ASXL2: variants seen among roughly 807,000 people sequenced by gnomAD.
The protein encoded by ASXL2 is ASXL transcriptional regulator 2, also known as putative Polycomb group protein ASXL2.
A neutral mutation model predicts 122.0 loss-of-function variants in ASXL2; 23 were observed. That is an observed-to-expected ratio of 0.19 (90% CI 0.14 to 0.27). ASXL2 has a LOEUF of 0.27. ASXL2 is among the 10% of genes least tolerant of loss of function. The pLI, the probability that ASXL2 is intolerant of heterozygous loss-of-function variation, is 1.00. For missense variants in ASXL2, 1,518 were observed against 1,713.8 expected (o/e 0.89, Z 2.02); for synonymous variants, 650 against 637.0 (o/e 1.02, Z -0.31).
At chr2:25,798,083 A>C (rs1180149327) in intron 5 of ASXL2, among the ~76,000 whole-genome samples, 2 of 152,232 alleles carry the variant, frequency 1.3e-5, no homozygotes, top group Non-Finnish European at 2.9e-5. Flanking sequence ...AGAAAACCAA[A>C]TACCGCATGT....
intron 5 of ASXL2, among the ~76,000 whole-genome samples, chr2:25,781,958 G>GGTTT (rs1559509560): frequency 1.7e-5 from 1 of 58,548 alleles, no homozygotes; most frequent in Non-Finnish European, 4.4e-5. Context: ...CACCGCCCGG[G>GGTTT]CTTTTTTCTT....
Position 25,738,345 on chromosome 2 carries a change from T to G in ASXL2, c.*3684A>C, listed in dbSNP as rs1039204422. ...ACCTACTGTTCTCTTTCAATAGGTT[T>G]GTAGGTATTGAAACATGGTAGGAAA... On this transcript the variant is annotated 3_prime_UTR_variant, in exon 13 of 13. Coordinates refer to ENST00000435504, the MANE Select transcript of ASXL2 (RefSeq NM_018263.6). 4 of 152,180 alleles carry G rather than the reference T, an allele frequency of 2.6e-5. No individual in the cohort carries two copies. Among genetic ancestry groups the G allele is most frequent in the African/African-American group, 7.2e-5 (3 of 41,440 alleles). The allele number at this position is 152,180 out of a possible 1,614,324, so 9.4% of individuals were successfully genotyped here.
rs1372156438 is a variant in ASXL2 at position 25,739,357 on chromosome 2, A to G, written c.*2672T>C. The G allele has an allele frequency of 1.1e-5, 2 of 174,780 alleles. No homozygotes were observed. Among genetic ancestry groups the G allele is most frequent in the Non-Finnish European group, 2.5e-5 (2 of 81,154 alleles). 10.8% of individuals were successfully genotyped at this position (174,780 alleles called of 1,614,324 possible). A position where few individuals can be genotyped will look rare whatever the true frequency, so the allele number is the denominator to read the frequency against. The stretch of plus-strand genomic sequence containing the variant: ...CTACTGCTTCATTTTCTAAAAGGCC[A>G]GATTGTAATGTGTTTTTTTTTTTTT... On this transcript the variant is annotated 3_prime_UTR_variant, in exon 13 of 13. Transcript: ENST00000435504.
chr2:25,877,742 C>A (rs2090021265), intron 1 of ASXL2, among the ~76,000 whole-genome samples: 1 of 152,202 alleles, frequency 6.6e-6, no homozygotes, highest in African/African-American at 2.4e-5. Flanking sequence ...CTCCAGCGCT[C>A]CCCTCTCCTT....
In ASXL2 at chr2:25,736,811, A is replaced by C. The variant is rs2087743261; in HGVS notation, c.*5218T>G. On this transcript the variant is annotated 3_prime_UTR_variant, in exon 13 of 13. Coordinates refer to ENST00000435504, the MANE Select transcript of ASXL2 (RefSeq NM_018263.6). ...CACTCTCGAAAATCTGACCTTAACA[A>C]TTTTTCTTTTAGGTCATCAATGATT... The C allele has an allele frequency of 6.6e-6, 1 of 152,102 alleles. No homozygotes were observed. The highest frequency in any genetic ancestry group is 2.1e-4 in the South Asian group (1 of 4,830). 9.4% of individuals were successfully genotyped at this position (152,102 alleles called of 1,614,324 possible).
intron 3 of ASXL2, among the ~76,000 whole-genome samples, chr2:25,814,471 C>T (rs527937865): frequency 6.6e-6 from 1 of 152,280 alleles, no homozygotes; most frequent in African/African-American, 2.4e-5. Flanking sequence ...TACTAACACC[C>T]GAAGCAGCTG....
chr2:25,741,883 C>A lies in ASXL2; in HGVS notation c.*146G>T. 1 of 749,684 alleles carries A rather than the reference C, an allele frequency of 1.3e-6. No individual in the cohort carries two copies. Among genetic ancestry groups the A allele is most frequent in the South Asian group, 2.1e-5 (1 of 47,264 alleles). 46.4% of individuals were successfully genotyped at this position (749,684 alleles called of 1,614,324 possible). A position where few individuals can be genotyped will look rare whatever the true frequency, so the allele number is the denominator to read the frequency against. On this transcript the variant is annotated 3_prime_UTR_variant, in exon 13 of 13. Transcript: ENST00000435504. ...TCCTCTAAAATGTAAAAAATCTGTA[C>A]TTTGTATTCCTGATTAAGTAACATT...
At chr2:25,785,403 T>C (rs1258450181) in intron 5 of ASXL2, among the ~76,000 whole-genome samples, 2 of 152,036 alleles carry the variant, frequency 1.3e-5, no homozygotes, top group Admixed American at 6.6e-5. Context: ...TTCTTTATTT[T>C]TAGTAGAGAT....
chr2:25,799,655 T>A, intron 4 of ASXL2, 120 bp from the exon 5 acceptor site: 1 of 1,175,576 alleles, frequency 8.5e-7, no homozygotes, highest in Non-Finnish European at 1.2e-6. Flanking sequence ...TAGGATTCAG[T>A]AGCAGAACCA....
chr2:25,834,825 C>A (rs1162241769), intron 3 of ASXL2, among the ~76,000 whole-genome samples: 1 of 151,866 alleles, frequency 6.6e-6, no homozygotes, highest in Non-Finnish European at 1.5e-5. Flanking sequence ...AAAGGATTTA[C>A]CAATTTTTTT....
Position 25,740,858 on chromosome 2 carries a change from TATA to T in ASXL2, c.*1168_*1170del, listed in dbSNP as rs1028545616. 1.5e-4 allele frequency: 29 copies of T among 190,650 alleles called. No homozygotes were observed. The highest frequency in any genetic ancestry group is 4.6e-4 in the African/African-American group (20 of 43,108). The allele number at this position is 190,650 out of a possible 1,614,324, so 11.8% of individuals were successfully genotyped here. A position where few individuals can be genotyped will look rare whatever the true frequency, so the allele number is the denominator to read the frequency against. On this transcript the variant is annotated 3_prime_UTR_variant, in exon 13 of 13. Transcript: ENST00000435504. Reference sequence around the variant, plus strand: ...ACATACACGTATGTGTAAAGTAAGATATAATAAGATGATGTCATCCTGTTCAGA... The same window carrying T: ...ACATACACGTATGTGTAAAGTAAGATATAAGATGATGTCATCCTGTTCAGA...
intron 12 of ASXL2, among the ~76,000 whole-genome samples, chr2:25,747,330 T>C (rs1249185624): frequency 6.6e-6 from 1 of 152,188 alleles, no homozygotes; most frequent in Non-Finnish European, 1.5e-5. Flanking sequence ...AATTTTGTTT[T>C]CTACTACTAC....
At chr2:25,873,414 A>T (rs2089980364) in intron 1 of ASXL2, among the ~76,000 whole-genome samples, 1 of 152,074 alleles carries the variant, frequency 6.6e-6, no homozygotes, top group Non-Finnish European at 1.5e-5. Flanking sequence ...TGTCTCAAAA[A>T]ATAATAATAT....
At chr2:25,765,347 G>T (rs1159908596) in intron 8 of ASXL2, among the ~76,000 whole-genome samples, 1 of 151,984 alleles carries the variant, frequency 6.6e-6, no homozygotes, top group Non-Finnish European at 1.5e-5. Context: ...TTAGCCGGGC[G>T]TGGTGGCGGG....
At position 25,837,147 on chromosome 2, in the gene ASXL2, C is replaced by T. The variant is rs1574441030; in HGVS notation, c.141-1607G>A. Reference sequence around the variant, plus strand: ...TACTTCAGAAGGAAGGCATTAAGTCCGACACTTAATGCTATAAAAGCACAT... The same window carrying T: ...TACTTCAGAAGGAAGGCATTAAGTCTGACACTTAATGCTATAAAAGCACAT... On this transcript the variant is annotated intron_variant, in intron 2 of 12. Coordinates refer to ENST00000435504, the MANE Select transcript of ASXL2 (RefSeq NM_018263.6). 2.6e-5 allele frequency among the ~76,000 whole-genome samples: 4 copies of T among 151,718 alleles called. No individual in the cohort carries two copies. The South Asian group carries it at 6.3e-4, about 24-fold the overall frequency.
At chr2:25,762,370 A>T (rs2088269156) in intron 8 of ASXL2, among the ~76,000 whole-genome samples, 1 of 151,790 alleles carries the variant, frequency 6.6e-6, no homozygotes, top group Non-Finnish European at 1.5e-5. Flanking sequence ...AGTTTAAAAG[A>T]AGAGTAAGAA....
intron 8 of ASXL2, 23 bp downstream of exon 8, chr2:25,767,560 G>A (rs1559505203): frequency 6.2e-7 from 1 of 1,604,312 alleles, no homozygotes; most frequent in Non-Finnish European, 8.5e-7. Flanking sequence ...AATGAAAACT[G>A]AAGTCTTTGT....
chr2:25,860,979 T>C (rs1382719502), intron 1 of ASXL2, among the ~76,000 whole-genome samples: 2 of 152,060 alleles, frequency 1.3e-5, no homozygotes, highest in African/African-American at 4.8e-5. Context: ...ACCACTGCAC[T>C]CCAGCCTGGG....
At position 25,767,754 on chromosome 2, in the gene ASXL2, T is replaced by C. The variant is rs573781484; in HGVS notation, c.632-28A>G. On this transcript the variant is annotated intron_variant, in intron 7 of 12. Coordinates refer to ENST00000435504, the MANE Select transcript of ASXL2 (RefSeq NM_018263.6). ...AGGAGAAAAAAATACGTATAAAGACTGGTAGCACTGAGATTATAGACAGAA... is the reference window on the plus strand; with the variant it reads ...AGGAGAAAAAAATACGTATAAAGACCGGTAGCACTGAGATTATAGACAGAA... 4.5e-5 allele frequency: 73 copies of C among 1,611,390 alleles called. 1 individual carries two copies. In the South Asian group the frequency reaches 7.6e-4, roughly 17 times the overall value.
Sources: gnomAD v4.1 joint callset for allele counts (sites outside exome capture counted in the v4.1 genomes callset) on GRCh38, gnomAD v4.1.1 for gene constraint, MANE v1.5 for transcripts, NCBI Gene and HGNC (gene_info 2026-07-23, HGNC 2026-07-21) for gene names.